The following HS2ST1 variants were observed in gnomAD, a reference collection of about 807,000 sequenced individuals.
The protein encoded by HS2ST1 is heparan sulfate 2-O-sulfotransferase 1.
In HS2ST1, 18 loss-of-function variants were observed where a neutral mutation model predicts 42.9. That is an observed-to-expected ratio of 0.42 (90% CI 0.29 to 0.62). The LOEUF is 0.62. HS2ST1 is among the 20% of genes least tolerant of loss of function. The pLI is 0.21. For missense variants in HS2ST1, 334 were observed against 433.8 expected (o/e 0.77, Z 2.04); for synonymous variants, 146 against 152.9 (o/e 0.95, Z 0.33).
intron 2 of HS2ST1, among the ~76,000 whole-genome samples, chr1:87,079,326 C>T (rs1355955490): frequency 1.3e-5 from 2 of 152,040 alleles, no homozygotes; most frequent in South Asian, 2.1e-4. Flanking sequence ...TTAGTAGGGA[C>T]GGGGTTTTAC....
chr1:86,966,226 T>C (rs1648043058), intron 1 of HS2ST1, among the ~76,000 whole-genome samples: 1 of 152,224 alleles, frequency 6.6e-6, no homozygotes, highest in Non-Finnish European at 1.5e-5. Flanking sequence ...AGCTATGTCT[T>C]CTATTAAATA....
rs1452004253 is a variant in HS2ST1 at position 87,072,918 on chromosome 1, C to G, written c.125-16C>G. On this transcript the variant is annotated splice_polypyrimidine_tract_variant and intron_variant, in intron 1 of 6. Transcript: ENST00000370550. ...GTGTCCTTAAAAACTTAGTTCGTAT[C>G]TGTTTTTCTTTCCAGAAAGGGCTAT... 6.3e-7 allele frequency: 1 copy of G among 1,581,816 alleles called. No individual in the cohort carries two copies. Among genetic ancestry groups the G allele is most frequent in the Non-Finnish European group, 8.7e-7 (1 of 1,150,968 alleles).
chr1:86,940,779 A>G (rs1434020981), intron 1 of HS2ST1, among the ~76,000 whole-genome samples: 1 of 152,000 alleles, frequency 6.6e-6, no homozygotes, highest in Non-Finnish European at 1.5e-5. Flanking sequence ...AGGATTGCTT[A>G]GGCAAGGAGT....
chr1:87,027,440 T>C (rs1053994478), intron 1 of HS2ST1, among the ~76,000 whole-genome samples: 3 of 152,182 alleles, frequency 2.0e-5, no homozygotes, highest in African/African-American at 7.2e-5. Context: ...TGAGAACTCA[T>C]AGCATGTAGA....
At chr1:87,000,643 T>G (rs973402524) in intron 1 of HS2ST1, among the ~76,000 whole-genome samples, 2 of 152,220 alleles carry the variant, frequency 1.3e-5, no homozygotes, top group African/African-American at 4.8e-5. Context: ...GTTGGGGACA[T>G]CTAGAGTTGT....
chr1:86,987,239 G>A (rs1205342171), intron 1 of HS2ST1, among the ~76,000 whole-genome samples: 1 of 151,644 alleles, frequency 6.6e-6, no homozygotes, highest in Non-Finnish European at 1.5e-5. Context: ...GCCACGCCGG[G>A]CTAATTTTTG....
intron 3 of HS2ST1, among the ~76,000 whole-genome samples, chr1:87,087,096 G>A (rs994988575): frequency 6.6e-6 from 1 of 151,986 alleles, no homozygotes; most frequent in Non-Finnish European, 1.5e-5. Flanking sequence ...ATTATAAACA[G>A]TAAAAATATT....
In HS2ST1 at chr1:87,073,001, A is replaced by G; in HGVS notation, c.192A>G (p.Gln64=). Residue 64 remains glutamine, a synonymous_variant, in exon 2 of 7, where the codon CAA becomes CAG. Coordinates refer to ENST00000370550, the MANE Select transcript of HS2ST1 (RefSeq NM_012262.4). ...EQRHTMDGPR[Q]DATLDEEEDM... is the part of the protein sequence containing the mutation. ...GACATACAATGGATGGCCCTCGGCA[A>G]GATGCCACTTTAGATGAGGAAGAGG... The G allele has an allele frequency of 6.2e-7, 1 of 1,614,138 alleles. No homozygotes were observed. Among genetic ancestry groups the G allele is most frequent in the Non-Finnish European group, 8.5e-7 (1 of 1,180,006 alleles).
chr1:86,922,034 C>T (rs918580633), intron 1 of HS2ST1, among the ~76,000 whole-genome samples: 9 of 152,098 alleles, frequency 5.9e-5, no homozygotes, highest in South Asian at 2.1e-4. Flanking sequence ...GGTTTAAATT[C>T]GTGAGTTGCT....
At chr1:86,925,027 G>A (rs1320037520) in intron 1 of HS2ST1, among the ~76,000 whole-genome samples, 1 of 152,146 alleles carries the variant, frequency 6.6e-6, no homozygotes, top group Non-Finnish European at 1.5e-5. Context: ...TGGCACCCAA[G>A]TCATCTCTTG....
At chr1:87,088,006 G>A (rs1651852915) in intron 3 of HS2ST1, among the ~76,000 whole-genome samples, 1 of 152,070 alleles carries the variant, frequency 6.6e-6, no homozygotes, top group African/African-American at 2.4e-5. Flanking sequence ...ATTACTTCAT[G>A]GGGTGGTGGT....
chr1:87,087,421 C>T (rs1363331536), intron 3 of HS2ST1, among the ~76,000 whole-genome samples: 2 of 151,762 alleles, frequency 1.3e-5, no homozygotes, highest in Non-Finnish European at 2.9e-5. Flanking sequence ...AGGTATGTAC[C>T]TTTGTAGTTG....
chr1:87,080,618 T>A (rs1325359362), intron 2 of HS2ST1, among the ~76,000 whole-genome samples: 1 of 152,094 alleles, frequency 6.6e-6, no homozygotes, highest in African/African-American at 2.4e-5. Flanking sequence ...AAAAATCAGG[T>A]GAGCAATCAT....
At chr1:87,016,274 A>G (rs1175128032) in intron 1 of HS2ST1, among the ~76,000 whole-genome samples, 1 of 152,214 alleles carries the variant, frequency 6.6e-6, no homozygotes, top group Non-Finnish European at 1.5e-5. Context: ...CTTATCTTCC[A>G]TGAATCTTGG....
intron 1 of HS2ST1, among the ~76,000 whole-genome samples, chr1:87,014,132 C>G (rs1462343386): frequency 6.6e-6 from 1 of 152,220 alleles, no homozygotes; most frequent in African/African-American, 2.4e-5. Flanking sequence ...CAGCACCCCA[C>G]TACCTCAGTA....
chr1:86,943,324 A>G (rs145322642), intron 1 of HS2ST1, among the ~76,000 whole-genome samples: 1 of 152,312 alleles, frequency 6.6e-6, no homozygotes, highest in East Asian at 1.9e-4. Context: ...AACGAGAAGA[A>G]ATTATTGTTA....
intron 1 of HS2ST1, among the ~76,000 whole-genome samples, chr1:86,935,175 T>C (rs1660619500): frequency 6.6e-6 from 1 of 152,060 alleles, no homozygotes; most frequent in Non-Finnish European, 1.5e-5. Flanking sequence ...CTAATAGTTC[T>C]TGTGTTAGGA....
In HS2ST1 at chr1:87,073,060, C is replaced by T. The variant is rs761405256; in HGVS notation, c.251C>T (p.Thr84Met). Residue 84 changes from threonine to methionine, a missense_variant, in exon 2 of 7, where the codon ACG becomes ATG. Thr to Met is a moderately conservative substitution (Grantham distance 81). Transcript: ENST00000370550. ...MVIIYNRVPK[T>M]ASTSFTNIAY... ...ATCATTTATAACAGAGTTCCCAAAACGGCAAGCACTTCATTTACCAATATC... is the reference window on the plus strand; with the variant it reads ...ATCATTTATAACAGAGTTCCCAAAATGGCAAGCACTTCATTTACCAATATC... 6.2e-7 allele frequency: 1 copy of T among 1,614,000 alleles called. No individual in the cohort carries two copies. The highest frequency in any genetic ancestry group is 8.5e-7 in the Non-Finnish European group (1 of 1,179,902).
chr1:87,090,546 A>G lies in HS2ST1; in HGVS notation c.450-1985A>G, dbSNP rs76782844. On this transcript the variant is annotated intron_variant, in intron 3 of 6. Transcript: ENST00000370550. ...CAGGATGTGTCAAATGAAAGCACAT[A>G]GAACTGTATGCTAGAGTCATCAGGA... 2.8e-3 allele frequency among the ~76,000 whole-genome samples: 430 copies of G among 152,140 alleles called. 1 individual carries two copies. The highest frequency in any genetic ancestry group is 9.8e-3 in the African/African-American group (409 of 41,526).
Sources: gnomAD v4.1 joint callset for allele counts (sites outside exome capture counted in the v4.1 genomes callset) on GRCh38, gnomAD v4.1.1 for gene constraint, MANE v1.5 for transcripts, NCBI Gene and HGNC (gene_info 2026-07-23, HGNC 2026-07-21) for gene names.